C17orf99: variants seen among roughly 807,000 people sequenced by gnomAD.
C17orf99 encodes protein IL-40.
A neutral mutation model predicts 22.6 loss-of-function variants in C17orf99; 18 were observed. The ratio of observed to expected loss-of-function variants is 0.80; its 90% CI spans 0.55 to 1.18. The LOEUF (loss-of-function observed/expected upper bound fraction) is 1.18. Ranked by LOEUF, C17orf99 falls within the 50% of genes most tolerant of loss-of-function variation. The pLI is 0.00. For missense variants in C17orf99, 328 were observed against 342.7 expected (o/e 0.96, Z 0.34); for synonymous variants, 147 against 136.6 (o/e 1.08, Z -0.53).
intron 2 of C17orf99, chr17:78,157,500 G>T: frequency 1.6e-6 from 2 of 1,217,518 alleles, no homozygotes; most frequent in South Asian, 2.4e-5. Context: ...TCAGCATTGT[G>T]TAAAAATGAC....
intron 2 of C17orf99, among the ~76,000 whole-genome samples, chr17:78,153,597 AAGAG>A (rs1343290776): frequency 2.0e-5 from 3 of 152,234 alleles, no homozygotes; most frequent in Non-Finnish European, 4.4e-5. Context: ...AATGGAAATG[AAGAG>A]AGAGAAGTTT....
At chr17:78,157,099 G>A (rs2075531606) in intron 2 of C17orf99, among the ~76,000 whole-genome samples, 2 of 152,150 alleles carry the variant, frequency 1.3e-5, no homozygotes, top group South Asian at 4.2e-4. Context: ...GGAGGCCGAG[G>A]TGGGTGGATG....
intron 2 of C17orf99, among the ~76,000 whole-genome samples, chr17:78,153,179 T>C (rs998242142): frequency 6.6e-6 from 1 of 151,944 alleles, no homozygotes; most frequent in African/African-American, 2.4e-5. Context: ...ACACAAGTCT[T>C]GAGAGGATAT....
chr17:78,165,233 C>T (rs546704574), intron 4 of C17orf99: 2 of 989,214 alleles, frequency 2.0e-6, no homozygotes, highest in East Asian at 2.3e-4. Context: ...GTGAACTCAT[C>T]TCTCTTTGTT....
intron 2 of C17orf99, among the ~76,000 whole-genome samples, chr17:78,150,509 T>C (rs1425303562): frequency 4.6e-5 from 7 of 152,158 alleles, no homozygotes; most frequent in Non-Finnish European, 8.8e-5. Flanking sequence ...TGGACAGGCA[T>C]CTTCAAGGAG....
chr17:78,146,734 G>A lies in C17orf99; in HGVS notation c.38-145G>A. On this transcript the variant is annotated intron_variant, in intron 1 of 4. Coordinates refer to ENST00000340363, the MANE Select transcript of C17orf99 (RefSeq NM_001163075.2). The surrounding 1 kb of genome is among the most constrained non-coding windows in gnomAD (Gnocchi z 5.2). ...GAGGGGCGCAAAAGAGCTTTTGTGA[G>A]TGATGGTGCCAGCTGAGTCCTGGGG... The A allele has an allele frequency of 2.5e-6, 2 of 785,324 alleles. No homozygotes were observed. Among genetic ancestry groups the A allele is most frequent in the Non-Finnish European group, 4.2e-6 (2 of 474,746 alleles). The allele number at this position is 785,324 out of a possible 1,614,324, so 48.6% of individuals were successfully genotyped here. A position where few individuals can be genotyped will look rare whatever the true frequency, so the allele number is the denominator to read the frequency against.
At chr17:78,160,682 C>A in intron 2 of C17orf99, 1 of 456,374 alleles carries the variant, frequency 2.2e-6, no homozygotes, top group Non-Finnish European at 4.0e-6. Context: ...CTTCCTGGTT[C>A]AAGAGATTCT....
At chr17:78,163,298 T>G (rs1266304000) in intron 3 of C17orf99, among the ~76,000 whole-genome samples, 2 of 151,972 alleles carry the variant, frequency 1.3e-5, no homozygotes, top group East Asian at 3.9e-4. Context: ...ATGAAAGCCT[T>G]TTAGTAGGTG....
At chr17:78,157,798 GAAAA>G (rs60891763) in intron 2 of C17orf99, 8,820 of 373,048 alleles carry the variant, frequency 0.024, 10 homozygotes, top group East Asian at 0.042. Flanking sequence ...CTCTGTCTCG[GAAAA>G]AAAAAAAAAA....
intron 2 of C17orf99, among the ~76,000 whole-genome samples, chr17:78,150,121 G>T (rs898439015): frequency 1.3e-5 from 2 of 151,808 alleles, no homozygotes; most frequent in Non-Finnish European, 1.5e-5. Context: ...CCATCATCCC[G>T]CCTCAGCCTC....
intron 2 of C17orf99, among the ~76,000 whole-genome samples, chr17:78,148,006 A>C (rs4789541): frequency 0.65 from 99,530 of 151,984 alleles, 33,092 homozygotes; most frequent in African/African-American, 0.75. Flanking sequence ...TTGCAGGCAC[A>C]ATTCCAGGCC....
chr17:78,154,708 G>A (rs893737982), intron 2 of C17orf99, among the ~76,000 whole-genome samples: 1 of 151,986 alleles, frequency 6.6e-6, no homozygotes, highest in African/African-American at 2.4e-5. Flanking sequence ...CAGGCATGGT[G>A]ACGCATGCCT....
chr17:78,160,426 T>C (rs9908923), intron 2 of C17orf99, among the ~76,000 whole-genome samples: 28,965 of 151,366 alleles, frequency 0.19, 3,365 homozygotes, highest in East Asian at 0.47. Context: ...GTCCCAGCTA[T>C]TCGGGAGGCT....
chr17:78,162,510 AC>A (rs1157172098), intron 3 of C17orf99, among the ~76,000 whole-genome samples: 1 of 152,024 alleles, frequency 6.6e-6, no homozygotes, highest in African/African-American at 2.4e-5. Flanking sequence ...CCCTAAGAAC[AC>A]CAGGAAAAGA....
At chr17:78,149,331 CAAAAAAAAAAAAAAA>C (rs35155993) in intron 2 of C17orf99, among the ~76,000 whole-genome samples, 17 of 41,022 alleles carry the variant, frequency 4.1e-4, no homozygotes, top group African/African-American at 1.2e-3. Flanking sequence ...GACTCTGCCT[CAAAAAAAAAAAAAAA>C]AAAAAAAAAA....
At chr17:78,158,476 T>C (rs2075546452) in intron 2 of C17orf99, 1 of 203,854 alleles carries the variant, frequency 4.9e-6, no homozygotes, top group Non-Finnish European at 1.0e-5. Flanking sequence ...TTGTATTTTT[T>C]AGTAGAGACG....
intron 2 of C17orf99, among the ~76,000 whole-genome samples, chr17:78,148,346 A>G (rs1282149791): frequency 2.6e-5 from 4 of 151,910 alleles, no homozygotes; most frequent in African/African-American, 4.8e-5. Flanking sequence ...TGCCCAGCTG[A>G]TTTTTTTGTA....
chr17:78,146,498 G>T lies in C17orf99; in HGVS notation c.37+54G>T. The T allele has an allele frequency of 6.7e-7, 1 of 1,490,058 alleles. No individual in the cohort carries two copies. The highest frequency in any genetic ancestry group is 1.2e-5 in the South Asian group (1 of 82,908). 92.3% of individuals were successfully genotyped at this position (1,490,058 alleles called of 1,614,324 possible). ...GCTGCTGCTGGGGCCTTGAGGTCTT[G>T]GGCTCAGGTGGGGGTACTGGGAGCA... On this transcript the variant is annotated intron_variant, in intron 1 of 4. Transcript: ENST00000340363. This position sits in a 1 kb window ranked among gnomAD's most constrained non-coding sequence, Gnocchi z 5.2.
intron 2 of C17orf99, among the ~76,000 whole-genome samples, chr17:78,154,697 C>G (rs2075511883): frequency 6.6e-6 from 1 of 151,612 alleles, no homozygotes; most frequent in South Asian, 2.1e-4. Context: ...ACAAAATTAG[C>G]CAGGCATGGT....
Sources: gnomAD v4.1 joint callset for allele counts (sites outside exome capture counted in the v4.1 genomes callset) on GRCh38, gnomAD v4.1.1 for gene constraint, Gnocchi (gnomAD v3.1) non-coding constraint, MANE v1.5 for transcripts, NCBI Gene and HGNC (gene_info 2026-07-23, HGNC 2026-07-21) for gene names.